The following BCAM variants were observed in gnomAD, a reference collection of about 807,000 sequenced individuals.
The protein encoded by BCAM is basal cell adhesion molecule.
Under a neutral mutation model 72.4 loss-of-function variants are expected in BCAM, and 61 were observed. That is an observed-to-expected ratio of 0.84 (90% CI 0.69 to 1.04). The LOEUF (loss-of-function observed/expected upper bound fraction) is 1.04, where lower values mean the gene tolerates loss of function less well. Among genes scored for constraint, BCAM ranks in the 50% least tolerant of loss-of-function variants. BCAM has a pLI of 0.00. For synonymous variants in BCAM, 408 were observed against 384.2 expected (o/e 1.06, Z -0.73); for missense variants, 909 against 895.0 (o/e 1.02, Z -0.20).
At chr19:44,811,850 T>C (rs908652070) in intron 2 of BCAM, 1 of 440,016 alleles carries the variant, frequency 2.3e-6, no homozygotes, top group Non-Finnish European at 4.0e-6. Context: ...GAGCCAATGC[T>C]CTCCAGCCAG....
In BCAM at chr19:44,812,948, TCAA is replaced by T. The variant is rs1191113181; in HGVS notation, c.505-301_505-299del. The T allele has an allele frequency of 6.5e-6, 2 of 309,850 alleles. No individual in the cohort carries two copies. Among genetic ancestry groups the T allele is most frequent in the Non-Finnish European group, 1.1e-5 (2 of 182,198 alleles). 19.2% of individuals were successfully genotyped at this position (309,850 alleles called of 1,614,324 possible). ...CTGGGCCACAGAGCAATACTCCGTCTCAAAAAAAAAAAAAAAAAGAAGAAGAAA... is the reference window on the plus strand; with the variant it reads ...CTGGGCCACAGAGCAATACTCCGTCTAAAAAAAAAAAAAAAGAAGAAGAAA... On this transcript the variant is annotated intron_variant, in intron 4 of 14. Transcript: ENST00000270233. The surrounding 1 kb of genome is among the most constrained non-coding windows in gnomAD (Gnocchi z 5.3).
In BCAM at chr19:44,814,686, A is replaced by G. The variant is rs1331165908; in HGVS notation, c.1004A>G (p.Tyr335Cys). The G allele has an allele frequency of 1.2e-6, 2 of 1,614,010 alleles. No individual in the cohort carries two copies. Among genetic ancestry groups the G allele is most frequent in the East Asian group, 2.2e-5 (1 of 44,864 alleles). Reference protein sequence around the residue: ...EGVTRGQSGTYGCRVEDYDAA... With the variant: ...EGVTRGQSGTCGCRVEDYDAA... ...GTGACCCGGGGCCAGAGCGGGACCT[A>G]TGGCTGCAGAGTGGAGGATTACGAC... The change falls in exon 8 of 15, where the codon TAT becomes TGT. Residue 335 changes from tyrosine to cysteine, a missense_variant. Physicochemically the swap from Tyr to Cys is radical, Grantham distance 194 (BLOSUM62 -2). Transcript: ENST00000270233. The surrounding 1 kb of genome is among the most constrained non-coding windows in gnomAD (Gnocchi z 4.6).
Position 44,813,489 on chromosome 19 carries a change from T to G in BCAM, c.653T>G (p.Leu218Arg). ...CGGGAGGCCTCGGGCCTGCTCTCCC[T>G]CACCAGCACCCTCTACCTGCGGCTC... ...TVREASGLLS[L>R]TSTLYLRLRK... Residue 218 changes from leucine (L) to arginine (R), a missense_variant, in exon 6 of 15, where the codon CTC becomes CGC. Physicochemically the swap from Leu to Arg is moderately radical, Grantham distance 102. Transcript: ENST00000270233. This position sits in a 1 kb window ranked among gnomAD's most constrained non-coding sequence, Gnocchi z 4.2. 1 of 1,612,550 alleles carries G rather than the reference T, an allele frequency of 6.2e-7. No homozygotes were observed. Among genetic ancestry groups the G allele is most frequent in the Admixed American group, 1.7e-5 (1 of 60,018 alleles).
chr19:44,812,165 C>T lies in BCAM; in HGVS notation c.207C>T (p.Thr69=), dbSNP rs1251047100. ...HDHYMLEWFL[T]DRSGARPRLA... is the part of the protein sequence containing the mutation. ...GAGAGCCTGCCCCGCGCCCACAGAC[C>T]GACCGCTCGGGAGCTCGCCCCCGCC... The change falls in exon 3 of 15, where the codon ACC becomes ACT. Residue 69 remains threonine, a splice_region_variant and synonymous_variant. Transcript: ENST00000270233. This position sits in a 1 kb window ranked among gnomAD's most constrained non-coding sequence, Gnocchi z 5.3. The T allele has an allele frequency of 2.1e-5, 33 of 1,599,210 alleles. No homozygotes were observed. The highest frequency in any genetic ancestry group is 2.3e-5 in the Non-Finnish European group (27 of 1,176,458).
rs1309029240 is a variant in BCAM, at chr19:44,813,048, A to G, written c.505-202A>G. 5 of 595,444 alleles carry G rather than the reference A, an allele frequency of 8.4e-6. No homozygotes were observed. Among genetic ancestry groups the G allele is most frequent in the Non-Finnish European group, 1.5e-5 (5 of 342,460 alleles). 36.9% of individuals were successfully genotyped at this position (595,444 alleles called of 1,614,324 possible). A position where few individuals can be genotyped will look rare whatever the true frequency, so the allele number is the denominator to read the frequency against. On this transcript the variant is annotated intron_variant, in intron 4 of 14. Transcript: ENST00000270233. This position sits in a 1 kb window ranked among gnomAD's most constrained non-coding sequence, Gnocchi z 4.2. ...GAAGGAGAGAGCTGGGGGACCCAGA[A>G]TCCTTGGTCCCTGGAGGATGGTGCT...
intron 12 of BCAM, 35 bp downstream of exon 12, chr19:44,819,525 G>A (rs757799698): frequency 5.6e-6 from 9 of 1,613,504 alleles, no homozygotes; most frequent in Non-Finnish European, 4.2e-6. Flanking sequence ...GGAGCCGGGT[G>A]TGGGGCAGAC....
At position 44,821,321 on chromosome 19, in the gene BCAM, C is replaced by G. The variant is rs1242438584; in HGVS notation, c.*400C>G. The G allele has an allele frequency of 5.1e-6, 1 of 195,080 alleles. No individual in the cohort carries two copies. Among genetic ancestry groups the G allele is most frequent in the African/African-American group, 2.4e-5 (1 of 42,114 alleles). 12.1% of individuals were successfully genotyped at this position (195,080 alleles called of 1,614,324 possible). Reference sequence around the variant, plus strand: ...TGACACTGGATTCCCCCCCCTCACCCCGCCCCTGGTCCCACTCCTGCCCCC... The same window carrying G: ...TGACACTGGATTCCCCCCCCTCACCGCGCCCCTGGTCCCACTCCTGCCCCC... On this transcript the variant is annotated 3_prime_UTR_variant, in exon 15 of 15. Transcript: ENST00000270233.
intron 1 of BCAM, among the ~76,000 whole-genome samples, chr19:44,810,955 G>A (rs985083641): frequency 7.1e-4 from 106 of 149,852 alleles, no homozygotes; most frequent in African/African-American, 2.4e-3. Flanking sequence ...GCTGGGGCCT[G>A]GACTCCTGGG....
rs2122556678 is a variant in BCAM at position 44,814,220 on chromosome 19, G to A, written c.853G>A (p.Asp285Asn). 6.3e-7 allele frequency: 1 copy of A among 1,587,326 alleles called. No homozygotes were observed. Among genetic ancestry groups the A allele is most frequent in the South Asian group, 1.1e-5 (1 of 88,062 alleles). ...CCCAGCAGGCTGGGTACGCGAGGGT[G>A]ACACTGTCCAGCTGCTCTGCCGGGG... ...STPAGWVREG[D>N]TVQLLCRGDG... The change falls in exon 7 of 15, where the codon GAC becomes AAC. Residue 285 changes from aspartate (D) to asparagine (N), a missense_variant. Asp to Asn is a conservative substitution (Grantham distance 23). Transcript: ENST00000270233. This position sits in a 1 kb window ranked among gnomAD's most constrained non-coding sequence, Gnocchi z 4.6.
rs1164321870 is a variant in BCAM, at chr19:44,818,510, C to T, written c.1079-12C>T. 3 of 1,610,636 alleles carry T rather than the reference C, an allele frequency of 1.9e-6. No individual in the cohort carries two copies. The highest frequency in any genetic ancestry group is 1.3e-5 in the African/African-American group (1 of 74,986). On this transcript the variant is annotated splice_polypyrimidine_tract_variant and intron_variant, in intron 8 of 14. Coordinates refer to ENST00000270233, the MANE Select transcript of BCAM (RefSeq NM_005581.5). This position sits in a 1 kb window ranked among gnomAD's most constrained non-coding sequence, Gnocchi z 4.6. ...CGGTCTGGGACGAGTGACAGACTGT[C>T]CCCCACTGCAGATCTGGACCCCCTG...
rs182323481 is a variant in BCAM at position 44,809,293 on chromosome 19, C to T, written c.82+87C>T. The T allele has an allele frequency of 7.4e-5, 87 of 1,177,440 alleles. 1 individual carries two copies. The African/African-American group carries it at 1.3e-3, about 18-fold the overall frequency. 72.9% of individuals were successfully genotyped at this position (1,177,440 alleles called of 1,614,324 possible). A position where few individuals can be genotyped will look rare whatever the true frequency, so the allele number is the denominator to read the frequency against. ...CGAGGAGAAAGGGCTTTACCCTGAC[C>T]CCAGGAAGCAAAATGTGGGGACCCC... On this transcript the variant is annotated intron_variant, in intron 1 of 14. Transcript: ENST00000270233.
chr19:44,816,353 G>T (rs906812992), intron 8 of BCAM, among the ~76,000 whole-genome samples: 2 of 152,174 alleles, frequency 1.3e-5, no homozygotes, highest in African/African-American at 2.4e-5. Context: ...TCAGCCCCAC[G>T]GGGTACTTGG....
At chr19:44,819,003 TTCTC>T (rs148272950) in intron 10 of BCAM, 49 bp from the exon 11 acceptor site, 6 of 1,597,210 alleles carry the variant, frequency 3.8e-6, no homozygotes, top group South Asian at 2.2e-5. Context: ...GATGCCTCTC[TTCTC>T]TCTCTCTCTC....
upstream of BCAM, chr19:44,809,093 G>A (rs921262216): frequency 2.7e-5 from 37 of 1,391,018 alleles, 1 homozygote; most frequent in Non-Finnish European, 3.3e-5. Context: ...CCGAGCTGCA[G>A]CCCGGGCTCA....
Position 44,809,161 on chromosome 19 carries a change from GC to G in BCAM, c.41del (p.Pro14ArgfsTer30). On this transcript the variant is annotated frameshift_variant, in exon 1 of 15. Coordinates refer to ENST00000270233, the MANE Select transcript of BCAM (RefSeq NM_005581.5). LOFTEE classifies it high-confidence loss of function. ...PPDAPAQARG[A>X]PRLLLLAVLL... ...GGACGCACCGGCCCAGGCGCGCGGGGCCCCGCGGCTGCTGTTGCTCGCAGTC... is the reference window on the plus strand; with the variant it reads ...GGACGCACCGGCCCAGGCGCGCGGGGCCCGCGGCTGCTGTTGCTCGCAGTC... The G allele has an allele frequency of 2.7e-6, 4 of 1,474,136 alleles. No individual in the cohort carries two copies. The highest frequency in any genetic ancestry group is 4.7e-5 in the Admixed American group (2 of 42,812). 91.3% of individuals were successfully genotyped at this position (1,474,136 alleles called of 1,614,324 possible). A position where few individuals can be genotyped will look rare whatever the true frequency, so the allele number is the denominator to read the frequency against.
Position 44,814,376 on chromosome 19 carries a change from C to A in BCAM, c.921+88C>A. ...ACCTGCATAACTTCTAATGTGGGAC[C>A]TGGGAGTCCCCATGGCTTAGGCAGC... On this transcript the variant is annotated intron_variant, in intron 7 of 14. Transcript: ENST00000270233. This position sits in a 1 kb window ranked among gnomAD's most constrained non-coding sequence, Gnocchi z 4.6. The A allele has an allele frequency of 6.6e-7, 1 of 1,505,670 alleles. No individual in the cohort carries two copies. The highest frequency in any genetic ancestry group is 1.3e-5 in the South Asian group (1 of 77,408). 93.3% of individuals were successfully genotyped at this position (1,505,670 alleles called of 1,614,324 possible). A position where few individuals can be genotyped will look rare whatever the true frequency, so the allele number is the denominator to read the frequency against.
At chr19:44,815,223 G>T (rs1294989489) in intron 8 of BCAM, among the ~76,000 whole-genome samples, 7 of 151,910 alleles carry the variant, frequency 4.6e-5, no homozygotes, top group African/African-American at 1.7e-4. Context: ...CACCCCCCAG[G>T]CTCCTCTGGT....
At position 44,814,328 on chromosome 19, in the gene BCAM, C is replaced by T; in HGVS notation, c.921+40C>T. On this transcript the variant is annotated intron_variant, in intron 7 of 14. Coordinates refer to ENST00000270233, the MANE Select transcript of BCAM (RefSeq NM_005581.5). The surrounding 1 kb of genome is among the most constrained non-coding windows in gnomAD (Gnocchi z 4.6). ...GGTCCCTCTGGGATCCACCCCCCAG[C>T]CCCTGACCTCTGTGACCTGCTAACC... 2 of 1,562,894 alleles carry T rather than the reference C, an allele frequency of 1.3e-6. No individual in the cohort carries two copies. Among genetic ancestry groups the T allele is most frequent in the Non-Finnish European group, 1.7e-6 (2 of 1,165,468 alleles).
intron 13 of BCAM, 39 bp downstream of exon 13, chr19:44,819,765 A>C (rs1327523207): frequency 6.5e-7 from 1 of 1,540,644 alleles, no homozygotes; most frequent in Non-Finnish European, 8.7e-7. Context: ...CCATAGCTTA[A>C]CCCCATCCCC....
Sources: allele counts gnomAD v4.1 joint callset (sites outside exome capture counted in the v4.1 genomes callset), GRCh38; gene constraint gnomAD v4.1.1; non-coding constraint Gnocchi (gnomAD v3.1); transcripts MANE v1.5; gene names NCBI Gene and HGNC (gene_info 2026-07-23, HGNC 2026-07-21).